Variants in SMARCC1 observed in about 807,000 individuals in gnomAD.
SMARCC1 encodes SWI/SNF complex subunit SMARCC1.
In SMARCC1, 43 loss-of-function variants were observed where a neutral mutation model predicts 147.4. The ratio of observed to expected loss-of-function variants is 0.29; its 90% CI spans 0.23 to 0.38. The LOEUF is 0.38. SMARCC1 is among the 10% of genes least tolerant of loss of function. The probability of loss-of-function intolerance (pLI) is 1.00; values close to 1 mark genes in which losing one functional copy is unlikely to be tolerated. For synonymous variants in SMARCC1, 495 were observed against 484.4 expected (o/e 1.02, Z -0.29); for missense variants, 1,119 against 1,381.1 (o/e 0.81, Z 3.01).
intron 24 of SMARCC1, among the ~76,000 whole-genome samples, chr3:47,624,476 A>G (rs988864741): frequency 1.3e-5 from 2 of 152,228 alleles, no homozygotes; most frequent in African/African-American, 4.8e-5. Context: ...TCTTAAAAGT[A>G]AAATGAGATG....
At chr3:47,704,340 T>C (rs1365926239) in intron 10 of SMARCC1, among the ~76,000 whole-genome samples, 3 of 152,112 alleles carry the variant, frequency 2.0e-5, no homozygotes, top group East Asian at 1.9e-4. Flanking sequence ...TAAGGAGAAA[T>C]GTAAAATGAG....
At chr3:47,727,944 C>T (rs1382295271) in intron 6 of SMARCC1, among the ~76,000 whole-genome samples, 1 of 151,900 alleles carries the variant, frequency 6.6e-6, no homozygotes. Flanking sequence ...AGTGCAATGG[C>T]TACGCAAAGG....
At chr3:47,612,885 G>A (rs1464614) in intron 25 of SMARCC1, among the ~76,000 whole-genome samples, 19 of 151,996 alleles carry the variant, frequency 1.3e-4, no homozygotes. Flanking sequence ...CTACCAGTTG[G>A]CTCCATAAGG....
chr3:47,733,804 C>T (rs2034405625), intron 5 of SMARCC1, among the ~76,000 whole-genome samples: 1 of 145,216 alleles, frequency 6.9e-6, no homozygotes, highest in Non-Finnish European at 1.5e-5. Flanking sequence ...GCAGAGCTTG[C>T]AGTGAGCCAA....
chr3:47,657,980 G>A (rs937292614), intron 21 of SMARCC1, among the ~76,000 whole-genome samples: 47 of 151,428 alleles, frequency 3.1e-4, no homozygotes, highest in African/African-American at 1.1e-3. Context: ...AAAACAACCA[G>A]GAAAAAAGCA....
In SMARCC1 at chr3:47,647,898, A is replaced by T. The variant is rs146383591; in HGVS notation, c.2321-9118T>A. ...TTGTGGCCAATCTAGTTTATTTCCC[A>T]TTCTCTGAATAACTTTCCACTTCTG... On this transcript the variant is annotated intron_variant, in intron 21 of 27. Coordinates refer to ENST00000254480, the MANE Select transcript of SMARCC1 (RefSeq NM_003074.4). 7.0e-4 allele frequency among the ~76,000 whole-genome samples: 107 copies of T among 152,264 alleles called. 1 individual carries two copies. Among genetic ancestry groups the T allele is most frequent in the African/African-American group, 2.5e-3 (103 of 41,558 alleles).
chr3:47,737,626 T>G (rs1033355705), intron 4 of SMARCC1, among the ~76,000 whole-genome samples: 2 of 151,682 alleles, frequency 1.3e-5, no homozygotes, highest in African/African-American at 2.4e-5. Context: ...CAATCTGTGG[T>G]TTTTTTTGTT....
intron 26 of SMARCC1, among the ~76,000 whole-genome samples, chr3:47,608,323 G>A (rs903451712): frequency 2.6e-5 from 4 of 152,154 alleles, no homozygotes; most frequent in Non-Finnish European, 4.4e-5. Flanking sequence ...CCTGACTCAG[G>A]TGATCCGCCC....
chr3:47,660,322 T>C (rs2033327562), intron 21 of SMARCC1, among the ~76,000 whole-genome samples: 2 of 151,666 alleles, frequency 1.3e-5, no homozygotes, highest in Admixed American at 1.3e-4. Flanking sequence ...GGCAGGCGCC[T>C]GTAGTCCCAG....
At chr3:47,627,453 T>C (rs1470547494) in intron 24 of SMARCC1, among the ~76,000 whole-genome samples, 1 of 151,820 alleles carries the variant, frequency 6.6e-6, no homozygotes, top group African/African-American at 2.4e-5. Flanking sequence ...AACTATTAGG[T>C]TTTCAGGCAG....
At chr3:47,774,959 C>A (rs981571256) in intron 1 of SMARCC1, among the ~76,000 whole-genome samples, 25 of 152,004 alleles carry the variant, frequency 1.6e-4, no homozygotes, top group African/African-American at 6.0e-4. Flanking sequence ...GGCGTGCCAA[C>A]ACATCTGGCT....
At chr3:47,702,683 T>C (rs1421624483) in intron 10 of SMARCC1, among the ~76,000 whole-genome samples, 1 of 152,202 alleles carries the variant, frequency 6.6e-6, no homozygotes, top group Non-Finnish European at 1.5e-5. Context: ...ACTGCATCCT[T>C]GAACTCCTCA....
chr3:47,689,501 A>C, intron 12 of SMARCC1, 77 bp from the exon 13 acceptor site: 1 of 1,188,384 alleles, frequency 8.4e-7, no homozygotes, highest in Non-Finnish European at 1.3e-6. Flanking sequence ...TAATGGTCTA[A>C]GAACTGATAC....
chr3:47,764,372 A>G (rs1357098109), intron 2 of SMARCC1, among the ~76,000 whole-genome samples: 1 of 152,212 alleles, frequency 6.6e-6, no homozygotes, highest in Admixed American at 6.5e-5. Context: ...GCCATACTTC[A>G]GCAAAGCTGT....
intron 2 of SMARCC1, among the ~76,000 whole-genome samples, chr3:47,759,117 T>G (rs577761434): frequency 5.3e-5 from 8 of 151,602 alleles, no homozygotes; most frequent in African/African-American, 1.9e-4. Flanking sequence ...GCTCAAGCAA[T>G]CCTCCCACCT....
intron 26 of SMARCC1, among the ~76,000 whole-genome samples, chr3:47,603,140 C>T (rs569838367): frequency 1.3e-5 from 2 of 151,652 alleles, no homozygotes; most frequent in Admixed American, 6.6e-5. Context: ...AAGGAGATCC[C>T]GCCGGGTGCA....
intron 21 of SMARCC1, 97 bp downstream of exon 21, chr3:47,661,197 A>C (rs371338882): frequency 3.6e-5 from 35 of 985,030 alleles, no homozygotes; most frequent in South Asian, 2.8e-4. Context: ...TGATCATTGT[A>C]CTCACTTTTT....
intron 1 of SMARCC1, 83 bp downstream of exon 1, chr3:47,781,520 G>A (rs1283545154): frequency 4.1e-6 from 4 of 981,388 alleles, no homozygotes; most frequent in African/African-American, 1.7e-5. Context: ...GGGGGGGAGG[G>A]GCGGCCCGAG....
intron 26 of SMARCC1, among the ~76,000 whole-genome samples, chr3:47,595,203 GTT>G (rs1407017189): frequency 6.6e-6 from 1 of 152,140 alleles, no homozygotes; most frequent in African/African-American, 2.4e-5. Context: ...TGCTAGGAAA[GTT>G]TGTGTACGGG....
Sources: allele counts gnomAD v4.1 joint callset (sites outside exome capture counted in the v4.1 genomes callset), GRCh38; gene constraint gnomAD v4.1.1; transcripts MANE v1.5; gene names NCBI Gene and HGNC (gene_info 2026-07-23, HGNC 2026-07-21).